ANKRD29: variants seen among roughly 807,000 people sequenced by gnomAD.
The protein encoded by ANKRD29 is ankyrin repeat domain-containing protein 29.
Under a neutral mutation model 38.0 loss-of-function variants are expected in ANKRD29, and 32 were observed. The ratio of observed to expected loss-of-function variants is 0.84; its 90% confidence interval spans 0.64 to 1.13. The LOEUF is 1.13. ANKRD29 is among the 50% of genes most tolerant of loss of function. The pLI, the probability that ANKRD29 is intolerant of heterozygous loss-of-function variation, is 0.00. For synonymous variants in ANKRD29, 135 were observed against 152.4 expected, an observed-to-expected ratio of 0.89 and a Z score of 0.84; for missense variants, 357 against 377.9, an observed-to-expected ratio of 0.94 and a Z score of 0.46.
intron 6 of ANKRD29, among the ~76,000 whole-genome samples, chr18:23,623,594 C>T (rs1238659237): frequency 1.3e-5 from 2 of 151,462 alleles, no homozygotes; most frequent in Non-Finnish European, 2.9e-5. Flanking sequence ...AGATCAGCCT[C>T]AGCAACACAG....
At position 23,656,828 on chromosome 18, in the gene ANKRD29, C is replaced by G. The variant is rs1367335573; in HGVS notation, c.21+5882G>C. 2.0e-5 allele frequency among the ~76,000 whole-genome samples: 3 copies of G among 152,200 alleles called. No homozygotes were observed. The East Asian group carries it at 5.8e-4, about 29-fold the overall frequency. Reference sequence around the variant, plus strand: ...GAATGTTGCTAATGCAAATCTCAGACTGGCCTGGGACTCTGCTCTGGACAG... The same window carrying G: ...GAATGTTGCTAATGCAAATCTCAGAGTGGCCTGGGACTCTGCTCTGGACAG... On this transcript the variant is annotated intron_variant, in intron 1 of 9. Transcript: ENST00000592179.
chr18:23,641,269 C>A (rs114596467), intron 3 of ANKRD29, among the ~76,000 whole-genome samples: 12 of 152,294 alleles, frequency 7.9e-5, no homozygotes, highest in African/African-American at 2.6e-4. Context: ...TGTGCGGGAG[C>A]AGCCATGCCC....
intron 3 of ANKRD29, among the ~76,000 whole-genome samples, 184 bp downstream of exon 3, chr18:23,646,005 G>A (rs1004622152): frequency 6.6e-6 from 1 of 152,176 alleles, no homozygotes; most frequent in Non-Finnish European, 1.5e-5. Flanking sequence ...GACAGGCTAC[G>A]CTCAAATGCA....
At chr18:23,629,810 C>T (rs371993251) in intron 6 of ANKRD29, 43 bp downstream of exon 6, 1 of 1,559,756 alleles carries the variant, frequency 6.4e-7, no homozygotes, top group East Asian at 2.3e-5. Context: ...CCTCCCTGCC[C>T]CATGCGCCAT....
In ANKRD29 at chr18:23,600,136, A is replaced by T. The variant is rs571969739; in HGVS notation, c.*1090T>A. ...CACCATTAATTATAAAGTGCATTGA[A>T]TATAAGTTTTGATCCCTTTCAAAGG... On this transcript the variant is annotated 3_prime_UTR_variant, in exon 10 of 10. Coordinates refer to ENST00000592179, the MANE Select transcript of ANKRD29 (RefSeq NM_173505.4). 1 of 152,726 alleles carries T rather than the reference A, an allele frequency of 6.5e-6. No homozygotes were observed. Among genetic ancestry groups the T allele is most frequent in the East Asian group, 1.9e-4 (1 of 5,192 alleles). 9.5% of individuals were successfully genotyped at this position (152,726 alleles called of 1,614,324 possible).
chr18:23,660,374 C>A (rs912772835), intron 1 of ANKRD29, among the ~76,000 whole-genome samples: 1 of 152,208 alleles, frequency 6.6e-6, no homozygotes, highest in African/African-American at 2.4e-5. Flanking sequence ...ATTCATATGT[C>A]CACTTTAAAA....
intron 8 of ANKRD29, among the ~76,000 whole-genome samples, chr18:23,613,391 C>T (rs2059669086): frequency 6.6e-6 from 1 of 151,602 alleles, no homozygotes; most frequent in African/African-American, 2.4e-5. Flanking sequence ...GGGCTGGTCG[C>T]CAACTCCTGA....
chr18:23,644,250 C>T (rs934359629), intron 3 of ANKRD29, among the ~76,000 whole-genome samples: 3 of 152,222 alleles, frequency 2.0e-5, no homozygotes, highest in Non-Finnish European at 4.4e-5. Context: ...CTGCTTTTCT[C>T]AGTTGTTTCA....
Position 23,600,461 on chromosome 18 carries a change from T to C in ANKRD29, c.*765A>G, listed in dbSNP as rs2059497766. 1 of 152,308 alleles carries C rather than the reference T, an allele frequency of 6.6e-6. No individual in the cohort carries two copies. The highest frequency in any genetic ancestry group is 1.5e-5 in the Non-Finnish European group (1 of 68,020). 9.4% of individuals were successfully genotyped at this position (152,308 alleles called of 1,614,324 possible). On this transcript the variant is annotated 3_prime_UTR_variant, in exon 10 of 10. Coordinates refer to ENST00000592179, the MANE Select transcript of ANKRD29 (RefSeq NM_173505.4). ...AAAAGACCAAAGAGACAAGCCTATA[T>C]ATTTCTCGTGGTTTATAAGTTTCTG...
intron 6 of ANKRD29, among the ~76,000 whole-genome samples, chr18:23,627,017 T>G (rs945401965): frequency 1.3e-5 from 2 of 152,242 alleles, no homozygotes; most frequent in Non-Finnish European, 1.5e-5. Flanking sequence ...AAACATTGGT[T>G]TCCAAATGCT....
rs148759328 is a variant in ANKRD29, at chr18:23,639,216, C to T, written c.232-269G>A. On this transcript the variant is annotated intron_variant, in intron 3 of 9. Coordinates refer to ENST00000592179, the MANE Select transcript of ANKRD29 (RefSeq NM_173505.4). ...GAATATTACCTTCTATGGCAAAAGA[C>T]GTGATTAAGTTAAGGATTTTGAGAA... Among the ~76,000 whole-genome samples the T allele has an allele frequency of 1.1e-3, 173 of 152,132 alleles. 4 individuals carry two copies. The East Asian group carries it at 0.031, about 27-fold the overall frequency.
At chr18:23,626,143 T>C (rs186850188) in intron 6 of ANKRD29, among the ~76,000 whole-genome samples, 312 of 152,340 alleles carry the variant, frequency 2.0e-3, no homozygotes, top group Non-Finnish European at 3.9e-3. Flanking sequence ...CTTCTCCCAC[T>C]GCCATTGATG....
chr18:23,636,079 A>G (rs369483415), intron 4 of ANKRD29, among the ~76,000 whole-genome samples: 60 of 152,350 alleles, frequency 3.9e-4, no homozygotes, highest in African/African-American at 1.4e-3. Context: ...TTCCTGCCTA[A>G]TAAAGTAACA....
chr18:23,655,514 G>C (rs757045252), intron 1 of ANKRD29, among the ~76,000 whole-genome samples: 80 of 151,944 alleles, frequency 5.3e-4, no homozygotes, highest in Admixed American at 1.8e-3. Flanking sequence ...GCGTGATCTC[G>C]ACTCACTGCA....
At chr18:23,651,329 T>G (rs541278395) in intron 1 of ANKRD29, among the ~76,000 whole-genome samples, 1 of 152,336 alleles carries the variant, frequency 6.6e-6, no homozygotes, top group Non-Finnish European at 1.5e-5. Context: ...TCCTGGAGTT[T>G]TCAAGGCAAA....
intron 9 of ANKRD29, among the ~76,000 whole-genome samples, chr18:23,611,883 C>A (rs912785350): frequency 1.3e-5 from 2 of 150,682 alleles, no homozygotes; most frequent in Non-Finnish European, 3.0e-5. Flanking sequence ...AAAAAAAAAA[C>A]CATTGATATG....
At chr18:23,627,887 C>T (rs1161996247) in intron 6 of ANKRD29, among the ~76,000 whole-genome samples, 3 of 152,156 alleles carry the variant, frequency 2.0e-5, no homozygotes, top group African/African-American at 4.8e-5. Context: ...AAATATTAAA[C>T]TCCAGTCCTC....
At chr18:23,633,952 T>C in intron 5 of ANKRD29, 99 bp downstream of exon 5, 1 of 1,197,026 alleles carries the variant, frequency 8.4e-7, no homozygotes, top group Non-Finnish European at 1.2e-6. Flanking sequence ...CTACTGTCCA[T>C]TAAAGTATTT....
intron 6 of ANKRD29, among the ~76,000 whole-genome samples, chr18:23,625,357 C>G (rs2145674651): frequency 6.6e-6 from 1 of 152,190 alleles, no homozygotes; most frequent in Non-Finnish European, 1.5e-5. Context: ...GTCACTGTGG[C>G]CTGGTGCACA....
Sources: gnomAD v4.1 joint callset for allele counts (sites outside exome capture counted in the v4.1 genomes callset) on GRCh38, gnomAD v4.1.1 for gene constraint, MANE v1.5 for transcripts, NCBI Gene and HGNC (gene_info 2026-07-23, HGNC 2026-07-21) for gene names.